Variants in SEL1L3 observed in about 807,000 individuals in gnomAD.
SEL1L3 encodes the protein SEL1L family member 3, also known as protein sel-1 homolog 3.
A neutral mutation model predicts 142.8 loss-of-function variants in SEL1L3; 76 were observed. That is an observed-to-expected ratio of 0.53 (90% confidence interval 0.44 to 0.64). The LOEUF (loss-of-function observed/expected upper bound fraction) is 0.64, where lower values mean the gene tolerates loss of function less well. Ranked by LOEUF, SEL1L3 falls within the 30% of genes least tolerant of loss-of-function variation. The pLI, the probability that SEL1L3 is intolerant of heterozygous loss-of-function variation, is 0.00. For synonymous variants in SEL1L3, 504 were observed against 519.6 expected (o/e 0.97, Z 0.41); for missense variants, 1,262 against 1,381.7 (o/e 0.91, Z 1.37).
At position 25,773,052 on chromosome 4, in the gene SEL1L3, C is replaced by T. The variant is rs945558623; in HGVS notation, c.2669+3225G>A. 2.5e-4 allele frequency among the ~76,000 whole-genome samples: 38 copies of T among 152,312 alleles called. 1 individual carries two copies. The highest frequency in any genetic ancestry group is 8.4e-4 in the African/African-American group (35 of 41,580). On this transcript the variant is annotated intron_variant, in intron 17 of 23. Transcript: ENST00000399878. ...CCTCAAATGATCCACCCGCCTTGGCCTCCCAAAGTGCTGGGATTACAGGCG... is the reference window on the plus strand; with the variant it reads ...CCTCAAATGATCCACCCGCCTTGGCTTCCCAAAGTGCTGGGATTACAGGCG...
rs1017873882 is a variant in SEL1L3 at position 25,748,344 on chromosome 4, G to C, written c.*81C>G. 13 of 1,406,266 alleles carry C rather than the reference G, an allele frequency of 9.2e-6. No individual in the cohort carries two copies. The highest frequency in any genetic ancestry group is 1.3e-5 in the Non-Finnish European group (13 of 1,036,908). The allele number at this position is 1,406,266 out of a possible 1,614,324, so 87.1% of individuals were successfully genotyped here. A position where few individuals can be genotyped will look rare whatever the true frequency, so the allele number is the denominator to read the frequency against. On this transcript the variant is annotated 3_prime_UTR_variant, in exon 24 of 24. Coordinates refer to ENST00000399878, the MANE Select transcript of SEL1L3 (RefSeq NM_015187.5). ...GACAAGACATTTAAGGTGTTTATCA[G>C]GATCATGCCCTGGCCCCAGCTTCCC...
chr4:25,861,261 A>T (rs1180836014), intron 1 of SEL1L3, among the ~76,000 whole-genome samples: 1 of 152,230 alleles, frequency 6.6e-6, no homozygotes, highest in African/African-American at 2.4e-5. Flanking sequence ...TAAATATTAA[A>T]TAATAATATC....
chr4:25,847,245 G>T, intron 2 of SEL1L3, 49 bp downstream of exon 2: 1 of 1,460,900 alleles, frequency 6.8e-7, no homozygotes, highest in South Asian at 1.3e-5. Flanking sequence ...CATGATACAG[G>T]CTATCTGAAA....
chr4:25,857,695 C>A (rs1717362276), intron 1 of SEL1L3, among the ~76,000 whole-genome samples: 1 of 152,244 alleles, frequency 6.6e-6, no homozygotes, highest in South Asian at 2.1e-4. Flanking sequence ...TTGGCTGACT[C>A]CAAAGCCAGG....
Position 25,819,899 on chromosome 4 carries a change from G to A in SEL1L3, c.1332C>T (p.Ile444=), listed in dbSNP as rs771987034. The A allele has an allele frequency of 1.8e-5, 29 of 1,612,304 alleles. No individual in the cohort carries two copies. The Admixed American group carries it at 1.8e-4, about 10-fold the overall frequency. ...CAGCACACCTTTCATAATATAACTTGATTTGTTCAGCAAGTTGCTTCTCAA... is the reference window on the plus strand; with the variant it reads ...CAGCACACCTTTCATAATATAACTTAATTTGTTCAGCAAGTTGCTTCTCAA... ...PLLEKQLAEQ[I]KLYYERCAEV... Residue 444 remains isoleucine (I), a synonymous_variant, in exon 8 of 24, where the codon ATC becomes ATT. Transcript: ENST00000399878.
chr4:25,824,319 T>C (rs1386556567), intron 6 of SEL1L3, among the ~76,000 whole-genome samples: 2 of 152,140 alleles, frequency 1.3e-5, no homozygotes, highest in African/African-American at 4.8e-5. Flanking sequence ...TACCTGACTG[T>C]CCTCATGCAA....
intron 9 of SEL1L3, among the ~76,000 whole-genome samples, chr4:25,814,567 A>G (rs1714242537): frequency 6.6e-6 from 1 of 152,198 alleles, no homozygotes; most frequent in Admixed American, 6.5e-5. Flanking sequence ...AGCAGCAGAA[A>G]ATAGAATGCA....
In SEL1L3 at chr4:25,757,487, CTTTTTT is replaced by C; in HGVS notation, c.3259+41_3259+46del. ...AAAAAAAAAAAAAAAAAAATCCCTG[CTTTTTT>C]TTTTTTTAATATATTGCTTTCGCTT... On this transcript the variant is annotated intron_variant, in intron 23 of 23. Transcript: ENST00000399878. The C allele has an allele frequency of 3.6e-6, 3 of 837,688 alleles. No individual in the cohort carries two copies. The South Asian group carries it at 6.0e-5, about 17-fold the overall frequency. 51.9% of individuals were successfully genotyped at this position (837,688 alleles called of 1,614,324 possible). A position where few individuals can be genotyped will look rare whatever the true frequency, so the allele number is the denominator to read the frequency against.
intron 20 of SEL1L3, among the ~76,000 whole-genome samples, chr4:25,760,175 TG>T (rs1268922385): frequency 1.3e-5 from 2 of 152,202 alleles, no homozygotes; most frequent in Non-Finnish European, 2.9e-5. Context: ...ATGTGGTGTT[TG>T]GTTTTCTGCT....
At chr4:25,820,147 T>C (rs149118505) in intron 7 of SEL1L3, among the ~76,000 whole-genome samples, 340 of 152,302 alleles carry the variant, frequency 2.2e-3, no homozygotes, top group African/African-American at 8.1e-3. Context: ...CCCTTCAGCT[T>C]CTCTTTGTGT....
chr4:25,767,743 C>A lies in SEL1L3; in HGVS notation c.2757G>T (p.Arg919Ser), dbSNP rs1378033885. ...TGAGAAGAATACATTTACTTACTGGCCTCTCCTCACAGATGTGTGCTAAAT... is the reference window on the plus strand; with the variant it reads ...TGAGAAGAATACATTTACTTACTGGACTCTCCTCACAGATGTGTGCTAAAT... ...QTNLAHICEE[R>S]PDLARRYLGV... Residue 919 changes from arginine (R) to serine (S), a missense_variant, in exon 18 of 24, where the codon AGG becomes AGT. By Grantham distance (110) the Arg-to-Ser change is moderately radical (BLOSUM62 -1). Around this residue, in one of 3 missense-constraint regions of SEL1L3, gnomAD observed 435 missense variants for 559.2 expected, o/e 0.78. Transcript: ENST00000399878. 2 of 1,566,148 alleles carry A rather than the reference C, an allele frequency of 1.3e-6. No homozygotes were observed. Among genetic ancestry groups the A allele is most frequent in the Non-Finnish European group, 1.7e-6 (2 of 1,149,302 alleles).
chr4:25,778,404 A>C (rs1408552490), intron 16 of SEL1L3, among the ~76,000 whole-genome samples: 1 of 152,226 alleles, frequency 6.6e-6, no homozygotes, highest in African/African-American at 2.4e-5. Flanking sequence ...TGGAGATCAA[A>C]TACATAGAAA....
chr4:25,805,387 G>A (rs1190008696), intron 9 of SEL1L3, among the ~76,000 whole-genome samples: 1 of 152,170 alleles, frequency 6.6e-6, no homozygotes, highest in Non-Finnish European at 1.5e-5. Context: ...ACTGAGGCCT[G>A]GAGAAGAATA....
At chr4:25,739,990 G>A in the SEL1L3 span, among the ~76,000 whole-genome samples, 15 of 151,486 alleles carry the variant, frequency 9.9e-5, no homozygotes, top group African/African-American at 3.1e-4. Context: ...AGAGACGAAG[G>A]TCTCACTATG....
chr4:25,809,654 A>ATC (rs201386655), intron 9 of SEL1L3, among the ~76,000 whole-genome samples: 3 of 148,304 alleles, frequency 2.0e-5, no homozygotes, highest in Admixed American at 6.7e-5. Flanking sequence ...TCCTTCCTCC[A>ATC]TCTCTCTCTC....
intron 20 of SEL1L3, chr4:25,759,917 G>A (rs1218589299): frequency 6.6e-6 from 1 of 152,122 alleles, no homozygotes; most frequent in Non-Finnish European, 1.5e-5. Flanking sequence ...TGTTTTTTGT[G>A]TTTTGTTTTT....
chr4:25,832,108 A>G (rs1238141096), intron 5 of SEL1L3, among the ~76,000 whole-genome samples: 1 of 152,218 alleles, frequency 6.6e-6, no homozygotes, highest in Non-Finnish European at 1.5e-5. Flanking sequence ...GTAAACAAAC[A>G]CACATACTAA....
At chr4:25,818,108 C>T (rs80174781) in intron 9 of SEL1L3, 30 bp downstream of exon 9, 47 of 1,603,350 alleles carry the variant, frequency 2.9e-5, no homozygotes, top group East Asian at 2.0e-4. Context: ...TTCTAACCAG[C>T]GCCTAAAGCC....
At chr4:25,719,553 A>C in the SEL1L3 span, 9 of 147,482 alleles carry the variant, frequency 6.1e-5, no homozygotes, top group Admixed American at 1.3e-4. Flanking sequence ...TAAGATTAGA[A>C]GAGGTGATGT....
Sources: gnomAD v4.1 joint callset for allele counts (sites outside exome capture counted in the v4.1 genomes callset) on GRCh38, gnomAD v4.1.1 for gene constraint, gnomAD v4.1.1 regional missense constraint, MANE v1.5 for transcripts, NCBI Gene and HGNC (gene_info 2026-07-23, HGNC 2026-07-21) for gene names.